IL19: variants seen among roughly 807,000 people sequenced by gnomAD.
IL19 encodes the protein interleukin 19, also known as interleukin-19.
In IL19, 15 loss-of-function variants were observed where a neutral mutation model predicts 19.5. The observed-to-expected ratio is 0.77, with a 90% CI of 0.52 to 1.19. The LOEUF (loss-of-function observed/expected upper bound fraction) is 1.19, where lower values mean the gene tolerates loss of function less well. Among genes scored for constraint, IL19 ranks in the 50% most tolerant of loss-of-function variants. IL19 has a pLI of 0.00. For synonymous variants in IL19, 78 were observed against 78.3 expected, an observed-to-expected ratio of 1.00 and a Z score of 0.02; for missense variants, 199 against 213.1, an observed-to-expected ratio of 0.93 and a Z score of 0.41.
At chr1:206,827,596 A>G (rs1182673055) in intron 2 of IL19, among the ~76,000 whole-genome samples, 1 of 151,966 alleles carries the variant, frequency 6.6e-6, no homozygotes, top group Non-Finnish European at 1.5e-5. Flanking sequence ...AGGCTGAGGC[A>G]GGAGAATGGC....
At chr1:206,814,758 C>A (rs1048986095) in intron 2 of IL19, among the ~76,000 whole-genome samples, 1 of 151,464 alleles carries the variant, frequency 6.6e-6, no homozygotes, top group African/African-American at 2.4e-5. Flanking sequence ...AGTGGAAGCA[C>A]GACTACTTTC....
chr1:206,805,968 G>T (rs1305429276), intron 2 of IL19, among the ~76,000 whole-genome samples: 1 of 152,166 alleles, frequency 6.6e-6, no homozygotes, highest in Non-Finnish European at 1.5e-5. Flanking sequence ...TTTCTGGGTT[G>T]CCATCATTCT....
chr1:206,793,058 A>T (rs573374050), intron 1 of IL19, among the ~76,000 whole-genome samples: 70 of 152,210 alleles, frequency 4.6e-4, no homozygotes, highest in Non-Finnish European at 8.7e-4. Flanking sequence ...GGCTTTCAGG[A>T]TCCATTAGAG....
chr1:206,773,133 T>G (rs1486051637), intron 1 of IL19, among the ~76,000 whole-genome samples: 2 of 152,164 alleles, frequency 1.3e-5, no homozygotes, highest in Non-Finnish European at 2.9e-5. Context: ...GGCACATGTT[T>G]CCACCTCTTC....
chr1:206,837,389 T>C (rs193225608), intron 4 of IL19, among the ~76,000 whole-genome samples: 1 of 152,068 alleles, frequency 6.6e-6, no homozygotes, highest in African/African-American at 2.4e-5. Context: ...GGAAGGAATT[T>C]GGGCAGGATA....
At chr1:206,793,476 C>T (rs916172732) in intron 1 of IL19, among the ~76,000 whole-genome samples, 44 of 152,156 alleles carry the variant, frequency 2.9e-4, no homozygotes, top group Non-Finnish European at 3.5e-4. Context: ...GTGCTCTGAT[C>T]GAATGCCTCC....
At chr1:206,804,502 A>C (rs1391184016) in intron 2 of IL19, among the ~76,000 whole-genome samples, 6 of 152,344 alleles carry the variant, frequency 3.9e-5, no homozygotes, top group Admixed American at 2.0e-4. Flanking sequence ...TACAGATGGA[A>C]GGAATTAGGG....
At chr1:206,835,900 G>A (rs986098885) in intron 2 of IL19, among the ~76,000 whole-genome samples, 1 of 152,248 alleles carries the variant, frequency 6.6e-6, no homozygotes, top group Non-Finnish European at 1.5e-5. Flanking sequence ...GAAAGACAGA[G>A]GCAAGAAGGG....
In IL19 at chr1:206,839,912, G is replaced by T; in HGVS notation, c.273G>T (p.Lys91Asn). The change falls in exon 5 of 7, where the codon AAG (lysine) becomes AAT (asparagine). Residue 91 changes from lysine to asparagine, a missense_variant. Transcript: ENST00000659997. ...CGTTCTACGTGGACAGGGTGTTCAA[G>T]GATCATCAGGAGCCAAACCCCAAAA... ...LLAFYVDRVF[K>N]DHQEPNPKIL... 6.2e-7 allele frequency: 1 copy of T among 1,614,118 alleles called. No individual in the cohort carries two copies. The highest frequency in any genetic ancestry group is 8.5e-7 in the Non-Finnish European group (1 of 1,179,992).
chr1:206,784,851 G>A (rs185365816), intron 1 of IL19, among the ~76,000 whole-genome samples: 3 of 152,380 alleles, frequency 2.0e-5, no homozygotes, highest in East Asian at 3.9e-4. Flanking sequence ...TTGCGTTGAT[G>A]CCTGCGCGAC....
intron 2 of IL19, among the ~76,000 whole-genome samples, chr1:206,813,316 G>A (rs183381050): frequency 2.1e-4 from 32 of 152,278 alleles, no homozygotes; most frequent in African/African-American, 6.5e-4. Context: ...AGGGTTTCCC[G>A]TCTGCTTGTG....
At chr1:206,818,644 A>G (rs142884105) in intron 2 of IL19, among the ~76,000 whole-genome samples, 1 of 152,294 alleles carries the variant, frequency 6.6e-6, no homozygotes, top group East Asian at 1.9e-4. Context: ...TGATGGTTTT[A>G]TGGATGTCTG....
intron 2 of IL19, among the ~76,000 whole-genome samples, chr1:206,820,618 C>A (rs1352040964): frequency 6.6e-6 from 1 of 152,234 alleles, no homozygotes; most frequent in Non-Finnish European, 1.5e-5. Flanking sequence ...ACAACAGCGG[C>A]TTCAAATAAT....
intron 1 of IL19, among the ~76,000 whole-genome samples, chr1:206,791,983 G>T (rs1428547457): frequency 6.6e-6 from 1 of 152,162 alleles, no homozygotes; most frequent in African/African-American, 2.4e-5. Flanking sequence ...GGTCTTCCCA[G>T]GCTGGTTGGA....
At chr1:206,817,863 A>G (rs1486531012) in intron 2 of IL19, among the ~76,000 whole-genome samples, 1 of 151,994 alleles carries the variant, frequency 6.6e-6, no homozygotes, top group Non-Finnish European at 1.5e-5. Flanking sequence ...TTCTGGGTTC[A>G]AGCGATTCTC....
At chr1:206,812,686 A>G (rs1490222188) in intron 2 of IL19, among the ~76,000 whole-genome samples, 1 of 152,190 alleles carries the variant, frequency 6.6e-6, no homozygotes, top group Non-Finnish European at 1.5e-5. Context: ...CCCACCACAT[A>G]AAAAACCCCA....
chr1:206,773,795 C>T (rs970624547), intron 1 of IL19, among the ~76,000 whole-genome samples: 1 of 152,176 alleles, frequency 6.6e-6, no homozygotes, highest in Non-Finnish European at 1.5e-5. Flanking sequence ...CCTGCCATTC[C>T]AGTTTAGACT....
chr1:206,795,927 A>ATGTGTGTGTGTGTG (rs71570039), intron 1 of IL19, among the ~76,000 whole-genome samples: 2 of 133,532 alleles, frequency 1.5e-5, no homozygotes, highest in African/African-American at 5.7e-5. Flanking sequence ...AAATATATAT[A>ATGTGTGTGTGTGTG]TGTGTGTGTG....
intron 1 of IL19, among the ~76,000 whole-genome samples, chr1:206,789,634 A>G (rs1227418048): frequency 6.6e-6 from 1 of 152,040 alleles, no homozygotes; most frequent in East Asian, 1.9e-4. Flanking sequence ...GGTTTGTTAC[A>G]TAGGTAACCT....
Sources: allele counts gnomAD v4.1 joint callset (sites outside exome capture counted in the v4.1 genomes callset), GRCh38; gene constraint gnomAD v4.1.1; transcripts MANE v1.5; gene names NCBI Gene and HGNC (gene_info 2026-07-23, HGNC 2026-07-21).